The following ISX variants were observed in gnomAD, a reference collection of about 807,000 sequenced individuals.
ISX encodes intestine-specific homeobox.
Under a neutral mutation model 16.9 loss-of-function variants are expected in ISX, and 15 were observed. The observed-to-expected ratio is 0.89, with a 90% CI of 0.59 to 1.36. The LOEUF (loss-of-function observed/expected upper bound fraction) is 1.36, where lower values mean the gene tolerates loss of function less well. Ranked by LOEUF, ISX falls within the 40% of genes most tolerant of loss-of-function variation. ISX has a pLI of 0.00. For synonymous variants in ISX, 125 were observed against 119.7 expected (o/e 1.04, Z -0.29); for missense variants, 316 against 306.1 (o/e 1.03, Z -0.24).
chr22:35,073,246 A>T (rs1476777799), intron 2 of ISX, among the ~76,000 whole-genome samples: 2 of 152,190 alleles, frequency 1.3e-5, no homozygotes, highest in Non-Finnish European at 2.9e-5. Context: ...GAAGTTGCAA[A>T]CCCATCTGAC....
At chr22:35,073,784 C>A (rs1301288941) in intron 2 of ISX, among the ~76,000 whole-genome samples, 1 of 152,170 alleles carries the variant, frequency 6.6e-6, no homozygotes, top group Non-Finnish European at 1.5e-5. Context: ...GGTCTAGGAG[C>A]CAGAAAGGAG....
intron 2 of ISX, among the ~76,000 whole-genome samples, chr22:35,078,615 G>A (rs2146292624): frequency 6.7e-6 from 1 of 148,856 alleles, no homozygotes; most frequent in African/African-American, 2.5e-5. Context: ...CTCACTGCCT[G>A]CGACTCCCAA....
intron 2 of ISX, among the ~76,000 whole-genome samples, chr22:35,067,990 TG>T (rs1928749049): frequency 6.6e-6 from 1 of 152,166 alleles, no homozygotes; most frequent in Admixed American, 6.5e-5. Context: ...AAAGCCGCAC[TG>T]GGGCATTGGT....
chr22:35,081,510 G>A (rs892070435), intron 2 of ISX, among the ~76,000 whole-genome samples: 1 of 152,208 alleles, frequency 6.6e-6, no homozygotes, highest in East Asian at 1.9e-4. Context: ...TGCACCAGAG[G>A]CTATCAATGC....
rs568695185 is a variant in ISX at position 35,074,112 on chromosome 22, A to T, written c.229+6796A>T. ...AGTCTCTGCAGCTGTTTCTCTCTGC[A>T]TGTGAGCTCACCTCTTCCTTGCTGC... On this transcript the variant is annotated intron_variant, in intron 2 of 4. Coordinates refer to ENST00000404699, the MANE Select transcript of ISX (RefSeq NM_001303508.2). 5.3e-5 allele frequency among the ~76,000 whole-genome samples: 8 copies of T among 152,364 alleles called. No individual in the cohort carries two copies. The East Asian group carries it at 1.3e-3, about 26-fold the overall frequency.
chr22:35,076,982 C>T (rs1928998717), intron 2 of ISX, among the ~76,000 whole-genome samples: 1 of 152,154 alleles, frequency 6.6e-6, no homozygotes, highest in Admixed American at 6.5e-5. Context: ...GGGCTTTGAC[C>T]ACCTGCTTCT....
chr22:35,074,114 G>A (rs1462311653), intron 2 of ISX, among the ~76,000 whole-genome samples: 1 of 152,218 alleles, frequency 6.6e-6, no homozygotes, highest in Non-Finnish European at 1.5e-5. Context: ...CTCTCTGCAT[G>A]TGAGCTCACC....
At chr22:35,072,982 G>GT (rs1366846424) in intron 2 of ISX, among the ~76,000 whole-genome samples, 9 of 152,154 alleles carry the variant, frequency 5.9e-5, no homozygotes, top group African/African-American at 2.2e-4. Context: ...TAGTGAGCTG[G>GT]TAACAGCCAC....
In ISX at chr22:35,085,505, T is replaced by C; in HGVS notation, c.550T>C (p.Cys184Arg). 6.2e-7 allele frequency: 1 copy of C among 1,614,170 alleles called. No homozygotes were observed. Among genetic ancestry groups the C allele is most frequent in the Non-Finnish European group, 8.5e-7 (1 of 1,180,014 alleles). Residue 184 changes from cysteine (C) to arginine (R), a missense_variant, in exon 5 of 5, where the codon TGT becomes CGT. By Grantham distance (180) the Cys-to-Arg change is radical. Coordinates refer to ENST00000404699, the MANE Select transcript of ISX (RefSeq NM_001303508.2). ...GCGCAGGCTGGCTCCTCCCACGAGCTGTTGTCCATCGGCTCAAGATCAGCT... is the reference window on the plus strand; with the variant it reads ...GCGCAGGCTGGCTCCTCCCACGAGCCGTTGTCCATCGGCTCAAGATCAGCT... ...ALRRLAPPTS[C>R]CPSAQDQLAS...
chr22:35,076,952 G>T (rs1353869745), intron 2 of ISX, among the ~76,000 whole-genome samples: 1 of 152,108 alleles, frequency 6.6e-6, no homozygotes, highest in African/African-American at 2.4e-5. Flanking sequence ...GTCCCCACAT[G>T]CCCACTCCCT....
rs1347152638 is a variant in ISX, at chr22:35,085,852, AC to A, written c.*160del. The A allele has an allele frequency of 2.5e-6, 2 of 803,090 alleles. No homozygotes were observed. The highest frequency in any genetic ancestry group is 3.4e-5 in the African/African-American group (2 of 58,056). 49.7% of individuals were successfully genotyped at this position (803,090 alleles called of 1,614,324 possible). ...CATGCCAGTTGGAAGGCTGCACCAG[AC>A]TCAAAAGCAAACTAAACAATAAAGG... On this transcript the variant is annotated 3_prime_UTR_variant, in exon 5 of 5. Coordinates refer to ENST00000404699, the MANE Select transcript of ISX (RefSeq NM_001303508.2).
rs1369162801 is a variant in ISX, at chr22:35,066,224, CAAGG to C, written c.-570_-567del. The C allele has an allele frequency of 6.6e-6, 1 of 152,288 alleles. No individual in the cohort carries two copies. Among genetic ancestry groups the C allele is most frequent in the East Asian group, 1.9e-4 (1 of 5,196 alleles). 9.4% of individuals were successfully genotyped at this position (152,288 alleles called of 1,614,324 possible). A position where few individuals can be genotyped will look rare whatever the true frequency, so the allele number is the denominator to read the frequency against. On this transcript the variant is annotated 5_prime_UTR_variant, in exon 1 of 5. Transcript: ENST00000404699. ...GGGAGAAACAGCATAAAGGACCCCACAAGGAAGGGAGAGGTACCCTGGGTCAGGC... is the reference window on the plus strand; with the variant it reads ...GGGAGAAACAGCATAAAGGACCCCACAAGGGAGAGGTACCCTGGGTCAGGC...
intron 4 of ISX, 65 bp downstream of exon 4, chr22:35,084,564 C>T (rs1929202752): frequency 7.2e-6 from 8 of 1,113,060 alleles, no homozygotes; most frequent in Non-Finnish European, 1.1e-5. Flanking sequence ...CCAGTCAGAC[C>T]CAGATGTGAA....
At chr22:35,083,292 G>A (rs1015839839) in intron 3 of ISX, among the ~76,000 whole-genome samples, 1 of 152,104 alleles carries the variant, frequency 6.6e-6, no homozygotes, top group Non-Finnish European at 1.5e-5. Flanking sequence ...CCTGTAGGCC[G>A]CAGTTTGTCA....
At chr22:35,083,690 T>G (rs1929177139) in intron 3 of ISX, among the ~76,000 whole-genome samples, 1 of 152,268 alleles carries the variant, frequency 6.6e-6, no homozygotes. Context: ...TTCTTTATTC[T>G]ATCCTTTCCT....
chr22:35,085,849 C>T lies in ISX; in HGVS notation c.*156C>T. 1 of 857,770 alleles carries T rather than the reference C, an allele frequency of 1.2e-6. No individual in the cohort carries two copies. Among genetic ancestry groups the T allele is most frequent in the South Asian group, 1.7e-5 (1 of 59,360 alleles). The allele number at this position is 857,770 out of a possible 1,614,324, so 53.1% of individuals were successfully genotyped here. On this transcript the variant is annotated 3_prime_UTR_variant, in exon 5 of 5. Coordinates refer to ENST00000404699, the MANE Select transcript of ISX (RefSeq NM_001303508.2). Reference sequence around the variant, plus strand: ...GAACATGCCAGTTGGAAGGCTGCACCAGACTCAAAAGCAAACTAAACAATA... The same window carrying T: ...GAACATGCCAGTTGGAAGGCTGCACTAGACTCAAAAGCAAACTAAACAATA...
intron 2 of ISX, among the ~76,000 whole-genome samples, chr22:35,077,913 T>C (rs1038949175): frequency 6.6e-6 from 1 of 152,236 alleles, no homozygotes; most frequent in Admixed American, 6.5e-5. Flanking sequence ...ATTTATTTTA[T>C]TATAGATTCT....
At position 35,073,898 on chromosome 22, in the gene ISX, C is replaced by A. The variant is rs561528758; in HGVS notation, c.229+6582C>A. On this transcript the variant is annotated intron_variant, in intron 2 of 4. Coordinates refer to ENST00000404699, the MANE Select transcript of ISX (RefSeq NM_001303508.2). ...TTCAAATTTTCGACAGGAAAGTGTA[C>A]AGTGATCAGTATTAATGAGAGCTAT... is the stretch of plus-strand genomic sequence containing the variant. 3.5e-4 allele frequency among the ~76,000 whole-genome samples: 53 copies of A among 152,252 alleles called. 1 individual carries two copies. The highest frequency in any genetic ancestry group is 1.2e-3 in the African/African-American group (49 of 41,522).
intron 2 of ISX, among the ~76,000 whole-genome samples, chr22:35,077,161 C>T (rs1478442208): frequency 6.6e-6 from 1 of 152,204 alleles, no homozygotes; most frequent in Non-Finnish European, 1.5e-5. Context: ...ATTGAGAATC[C>T]TATCCTATGC....
Sources: allele counts gnomAD v4.1 joint callset (sites outside exome capture counted in the v4.1 genomes callset), GRCh38; gene constraint gnomAD v4.1.1; transcripts MANE v1.5; gene names NCBI Gene and HGNC (gene_info 2026-07-23, HGNC 2026-07-21).